ROBO2: variants seen among roughly 807,000 people sequenced by gnomAD.
ROBO2 encodes roundabout guidance receptor 2, also known as roundabout homolog 2.
ROBO2 carries 53 observed loss-of-function variants against 160.8 expected under a neutral mutation model. That is an observed-to-expected ratio of 0.33 (90% CI 0.26 to 0.41). The LOEUF (loss-of-function observed/expected upper bound fraction) is 0.41. ROBO2 is among the 10% of genes least tolerant of loss of function. ROBO2 has a pLI of 1.00. For synonymous variants in ROBO2, 664 were observed against 611.7 expected, an observed-to-expected ratio of 1.09 and a Z score of -1.26; for missense variants, 1,577 against 1,722.4, an observed-to-expected ratio of 0.92 and a Z score of 1.49.
intron 2 of ROBO2, among the ~76,000 whole-genome samples, chr3:76,300,620 A>G (rs1212341329): frequency 6.6e-6 from 1 of 150,638 alleles, no homozygotes; most frequent in East Asian, 1.9e-4. Flanking sequence ...ATATATGCAC[A>G]TATGCATATA....
At chr3:76,188,659 C>G (rs923541477) in intron 2 of ROBO2, among the ~76,000 whole-genome samples, 2 of 152,106 alleles carry the variant, frequency 1.3e-5, no homozygotes, top group African/African-American at 4.8e-5. Context: ...CCCATGCTAT[C>G]TAACCTGTTT....
intron 2 of ROBO2, among the ~76,000 whole-genome samples, chr3:76,622,254 G>C (rs1560252463): frequency 6.7e-5 from 4 of 59,620 alleles, no homozygotes; most frequent in East Asian, 6.3e-4. Context: ...AAGAAAGAAA[G>C]AAAGAAAGAA....
intron 1 of ROBO2, among the ~76,000 whole-genome samples, chr3:77,043,944 A>G (rs959674022): frequency 6.6e-6 from 1 of 152,160 alleles, no homozygotes; most frequent in African/African-American, 2.4e-5. Flanking sequence ...ATAGAGGTTT[A>G]TACATGTTGC....
chr3:76,785,507 T>C (rs267136), intron 2 of ROBO2, among the ~76,000 whole-genome samples: 126,567 of 151,174 alleles, frequency 0.84, 53,094 homozygotes, highest in Admixed American at 0.86. Context: ...ACATCATATA[T>C]GTTTGGTGAT....
At chr3:76,487,199 C>CT (rs2079545743) in intron 2 of ROBO2, among the ~76,000 whole-genome samples, 1 of 150,496 alleles carries the variant, frequency 6.6e-6, no homozygotes, top group Non-Finnish European at 1.5e-5. Flanking sequence ...AGGCTGATCT[C>CT]TAACTCCTGA....
Position 76,967,209 on chromosome 3 carries a change from T to C in ROBO2, c.110-130805T>C, listed in dbSNP as rs369549943. On this transcript the variant is annotated intron_variant, in intron 2 of 26. Coordinates refer to the ROBO2 transcript ENST00000487694. The stretch of plus-strand genomic sequence containing the variant: ...AAGCTGATGTTGAGTACTTTGAAGA[T>C]TGTCTAATTCCAAAATGTGCCTTTT... 5.3e-5 allele frequency among the ~76,000 whole-genome samples: 8 copies of C among 152,048 alleles called. No individual in the cohort carries two copies. The East Asian group carries it at 1.2e-3, about 22-fold the overall frequency.
At chr3:77,211,506 T>C (rs1452098043) in intron 2 of ROBO2, among the ~76,000 whole-genome samples, 3 of 152,232 alleles carry the variant, frequency 2.0e-5, no homozygotes, top group African/African-American at 4.8e-5. Context: ...GATGAGTAGA[T>C]TGCAAAATTT....
At chr3:76,809,231 TG>T (rs1293302415) in intron 2 of ROBO2, among the ~76,000 whole-genome samples, 1 of 152,128 alleles carries the variant, frequency 6.6e-6, no homozygotes, top group Non-Finnish European at 1.5e-5. Context: ...GAGGCTTGAC[TG>T]GGGAAAAGTC....
intron 2 of ROBO2, among the ~76,000 whole-genome samples, chr3:77,381,453 A>G (rs368954108): frequency 2.6e-5 from 4 of 152,192 alleles, no homozygotes; most frequent in Non-Finnish European, 5.9e-5. Context: ...AGCCTAGCTT[A>G]GATCTTCAGA....
At chr3:77,468,189 A>G (rs919565975) in intron 2 of ROBO2, among the ~76,000 whole-genome samples, 1 of 152,216 alleles carries the variant, frequency 6.6e-6, no homozygotes, top group Non-Finnish European at 1.5e-5. Context: ...TCATAAGCTA[A>G]TGGATAGGCT....
chr3:76,900,055 A>G (rs2075106287), intron 2 of ROBO2, among the ~76,000 whole-genome samples: 1 of 152,164 alleles, frequency 6.6e-6, no homozygotes, highest in Non-Finnish European at 1.5e-5. Context: ...CAATCATGGC[A>G]GAAGGCAAGA....
intron 1 of ROBO2, among the ~76,000 whole-genome samples, chr3:75,933,961 A>C (rs970116850): frequency 1.3e-5 from 2 of 152,184 alleles, no homozygotes; most frequent in African/African-American, 2.4e-5. Context: ...GCTCCATCGG[A>C]CAACTACCTG....
Position 77,514,006 on chromosome 3 carries a change from A to C in ROBO2, c.807-8769A>C, listed in dbSNP as rs1015104316. On this transcript the variant is annotated intron_variant, in intron 5 of 25. Coordinates refer to ENST00000461745, the Ensembl canonical transcript of ROBO2. ...GCAGATTTCAAAATGAAAATCACCA[A>C]ATTTCTGTTTGAATTTCCTCATCAG... Among the ~76,000 whole-genome samples, 3 of 151,780 alleles carry C rather than the reference A, an allele frequency of 2.0e-5. No homozygotes were observed. The East Asian group carries it at 5.8e-4, about 29-fold the overall frequency.
chr3:76,564,593 A>G (rs1578180176), intron 2 of ROBO2, among the ~76,000 whole-genome samples: 1 of 152,172 alleles, frequency 6.6e-6, no homozygotes, highest in Admixed American at 6.5e-5. Flanking sequence ...AATGGCTGGG[A>G]TTTGGAACAC....
intron 22 of ROBO2, among the ~76,000 whole-genome samples, chr3:77,621,201 C>T (rs1041546666): frequency 4.6e-5 from 7 of 152,106 alleles, no homozygotes; most frequent in South Asian, 4.1e-4. Context: ...TGAGGCAGGA[C>T]GCTTGCTTAA....
chr3:77,206,972 T>A (rs2083523525), intron 2 of ROBO2, among the ~76,000 whole-genome samples: 1 of 152,192 alleles, frequency 6.6e-6, no homozygotes, highest in Non-Finnish European at 1.5e-5. Flanking sequence ...TTTTTTCTGC[T>A]TTCATTAATG....
chr3:76,614,719 G>T (rs1184748683), intron 2 of ROBO2, among the ~76,000 whole-genome samples: 1 of 152,040 alleles, frequency 6.6e-6, no homozygotes, highest in African/African-American at 2.4e-5. Flanking sequence ...ATGTTTGATG[G>T]ATAAATGCCT....
chr3:77,178,380 G>C (rs977709694), intron 2 of ROBO2, among the ~76,000 whole-genome samples: 4 of 151,972 alleles, frequency 2.6e-5, no homozygotes, highest in African/African-American at 9.7e-5. Flanking sequence ...TGCCTAGATG[G>C]TTGGCTTTGT....
At chr3:77,551,721 G>A (rs6783971) in intron 8 of ROBO2, among the ~76,000 whole-genome samples, 84,354 of 151,076 alleles carry the variant, frequency 0.56, 23,560 homozygotes, top group Middle Eastern at 0.68. Context: ...TTATTTGTGA[G>A]GATTTTTACT....
Sources: allele counts gnomAD v4.1 joint callset (sites outside exome capture counted in the v4.1 genomes callset), GRCh38; gene constraint gnomAD v4.1.1; transcripts MANE v1.5; gene names NCBI Gene and HGNC (gene_info 2026-07-23, HGNC 2026-07-21).